Variants in RSPO2 observed in about 807,000 individuals in gnomAD.
RSPO2 encodes the protein R-spondin 2, also known as R-spondin-2.
Under a neutral mutation model 30.9 loss-of-function variants are expected in RSPO2, and 14 were observed. The observed-to-expected ratio is 0.45, with a 90% CI of 0.30 to 0.71. The LOEUF (loss-of-function observed/expected upper bound fraction) is 0.71, where lower values mean the gene tolerates loss of function less well. Ranked by LOEUF, RSPO2 falls within the 30% of genes least tolerant of loss-of-function variation. The pLI, the probability that RSPO2 is intolerant of heterozygous loss-of-function variation, is 0.08. For synonymous variants in RSPO2, 107 were observed against 96.4 expected (o/e 1.11, Z -0.64); for missense variants, 264 against 301.9 (o/e 0.87, Z 0.93).
At chr8:108,019,076 G>A (rs1442493306) in intron 2 of RSPO2, among the ~76,000 whole-genome samples, 11 of 152,082 alleles carry the variant, frequency 7.2e-5, no homozygotes, top group Admixed American at 4.6e-4. Context: ...ACATAGTCTC[G>A]AATATATCCA....
At position 108,057,215 on chromosome 8, in the gene RSPO2, A is replaced by G. The variant is rs973378011; in HGVS notation, c.94+25330T>C. Among the ~76,000 whole-genome samples, 34 of 152,106 alleles carry G rather than the reference A, an allele frequency of 2.2e-4. 1 individual carries two copies. The highest frequency in any genetic ancestry group is 5.9e-5 in the Non-Finnish European group (4 of 67,980). On this transcript the variant is annotated intron_variant, in intron 2 of 5. Coordinates refer to ENST00000276659, the MANE Select transcript of RSPO2 (RefSeq NM_178565.5). ...TAAAATTTGATGTTGAACAATTATGATGCAGACATTCTAAATGTCATCAAA... is the reference window on the plus strand; with the variant it reads ...TAAAATTTGATGTTGAACAATTATGGTGCAGACATTCTAAATGTCATCAAA...
intron 5 of RSPO2, among the ~76,000 whole-genome samples, chr8:107,926,498 T>A (rs13305877): frequency 1.9e-3 from 287 of 151,996 alleles, no homozygotes; most frequent in Middle Eastern, 6.9e-3. Context: ...CAGAATAGTA[T>A]TGCCTAGGTT....
At chr8:107,925,741 T>C (rs948814689) in intron 5 of RSPO2, among the ~76,000 whole-genome samples, 2 of 152,190 alleles carry the variant, frequency 1.3e-5, no homozygotes, top group African/African-American at 4.8e-5. Context: ...AACTCATCCT[T>C]TCTTATGGCT....
chr8:108,059,083 T>C (rs1259746586), intron 2 of RSPO2, among the ~76,000 whole-genome samples: 1 of 151,016 alleles, frequency 6.6e-6, no homozygotes, highest in African/African-American at 2.5e-5. Context: ...TGGGAGAAAA[T>C]TTTTGCAACC....
intron 2 of RSPO2, among the ~76,000 whole-genome samples, chr8:108,031,850 G>T (rs1360320232): frequency 1.6e-5 from 2 of 126,324 alleles, no homozygotes; most frequent in Non-Finnish European, 3.3e-5. Context: ...CAGAAAAGAA[G>T]AGGAAAAAAA....
At chr8:108,073,702 T>C (rs541222203) in intron 2 of RSPO2, among the ~76,000 whole-genome samples, 1 of 151,778 alleles carries the variant, frequency 6.6e-6, no homozygotes, top group African/African-American at 2.4e-5. Flanking sequence ...GTTGTACTTT[T>C]ATAAACTCTT....
intron 3 of RSPO2, among the ~76,000 whole-genome samples, chr8:107,961,539 C>G (rs1813626605): frequency 6.6e-6 from 1 of 152,124 alleles, no homozygotes; most frequent in Admixed American, 6.6e-5. Flanking sequence ...TTCTCTTTCT[C>G]TCTATAACTC....
chr8:107,924,976 T>C (rs971020832), intron 5 of RSPO2, among the ~76,000 whole-genome samples: 1 of 152,068 alleles, frequency 6.6e-6, no homozygotes, highest in African/African-American at 2.4e-5. Flanking sequence ...AATATCAGTA[T>C]ATACAATTAC....
At chr8:107,979,413 C>T (rs1019432893) in intron 3 of RSPO2, among the ~76,000 whole-genome samples, 3 of 152,122 alleles carry the variant, frequency 2.0e-5, no homozygotes, top group African/African-American at 7.2e-5. Context: ...CCATCATTCT[C>T]AGCAAACTAT....
intron 3 of RSPO2, among the ~76,000 whole-genome samples, chr8:107,964,739 T>C (rs1563541989): frequency 6.6e-6 from 1 of 152,150 alleles, no homozygotes; most frequent in Non-Finnish European, 1.5e-5. Context: ...CATAGTCCTA[T>C]ATTTTCTCCC....
rs1050242493 is a variant in RSPO2 at position 108,059,849 on chromosome 8, T to C, written c.94+22696A>G. ...GGGGAACATCACACTCTGGGGACTG[T>C]TGTGGGGTGGGGGGAGGGGGGAGGG... On this transcript the variant is annotated intron_variant, in intron 2 of 5. Transcript: ENST00000276659. 2.9e-5 allele frequency among the ~76,000 whole-genome samples: 3 copies of C among 103,996 alleles called. No individual in the cohort carries two copies. The Admixed American group carries it at 3.6e-4, about 13-fold the overall frequency. 68.2% of individuals were successfully genotyped at this position (103,996 alleles called of 152,430 possible).
At chr8:108,033,344 C>G (rs1811489895) in intron 2 of RSPO2, among the ~76,000 whole-genome samples, 1 of 152,206 alleles carries the variant, frequency 6.6e-6, no homozygotes, top group Non-Finnish European at 1.5e-5. Flanking sequence ...GCCATGACCC[C>G]AGTCCAGCTG....
At chr8:108,061,590 A>C (rs1423269682) in intron 2 of RSPO2, among the ~76,000 whole-genome samples, 2 of 151,810 alleles carry the variant, frequency 1.3e-5, no homozygotes, top group East Asian at 3.9e-4. Context: ...ATAATGGGAG[A>C]CTTTAACACC....
At chr8:108,075,270 C>T (rs188707680) in intron 2 of RSPO2, among the ~76,000 whole-genome samples, 215 of 152,274 alleles carry the variant, frequency 1.4e-3, no homozygotes, top group African/African-American at 5.1e-3. Context: ...CACCTGAGGT[C>T]AGGAGTTCAA....
In RSPO2 at chr8:107,900,168, G is replaced by C. The variant is rs190352029; in HGVS notation, c.*907C>G. The stretch of plus-strand genomic sequence containing the variant: ...TCATCACATCTTAGACTCAAAGGCA[G>C]TTTGGGCTTCTGATTGCCAGATGCC... On this transcript the variant is annotated 3_prime_UTR_variant, in exon 6 of 6. Transcript: ENST00000276659. 4 of 152,316 alleles carry C rather than the reference G, an allele frequency of 2.6e-5. No individual in the cohort carries two copies. In the South Asian group the frequency reaches 6.2e-4, roughly 24 times the overall value. The allele number at this position is 152,316 out of a possible 1,614,324, so 9.4% of individuals were successfully genotyped here. A position where few individuals can be genotyped will look rare whatever the true frequency, so the allele number is the denominator to read the frequency against.
chr8:107,939,101 A>G (rs1812804927), intron 5 of RSPO2, among the ~76,000 whole-genome samples: 1 of 152,158 alleles, frequency 6.6e-6, no homozygotes, highest in Non-Finnish European at 1.5e-5. Flanking sequence ...AAACATGTTT[A>G]TGAGCAAAAA....
At chr8:108,014,193 A>G (rs1810799107) in intron 2 of RSPO2, among the ~76,000 whole-genome samples, 1 of 152,082 alleles carries the variant, frequency 6.6e-6, no homozygotes, top group Non-Finnish European at 1.5e-5. Flanking sequence ...TCAAGAAACA[A>G]CAGATGCTGG....
At chr8:108,064,034 T>C (rs1432881904) in intron 2 of RSPO2, among the ~76,000 whole-genome samples, 3 of 152,142 alleles carry the variant, frequency 2.0e-5, no homozygotes, top group Admixed American at 6.5e-5. Context: ...TAATTCAAGA[T>C]GGATTAAAGA....
At chr8:107,986,797 T>C (rs1393197792) in intron 3 of RSPO2, among the ~76,000 whole-genome samples, 1 of 152,110 alleles carries the variant, frequency 6.6e-6, no homozygotes, top group Non-Finnish European at 1.5e-5. Context: ...ATGAAACACA[T>C]AAAACTGTGG....
Sources: gnomAD v4.1 joint callset for allele counts (sites outside exome capture counted in the v4.1 genomes callset) on GRCh38, gnomAD v4.1.1 for gene constraint, MANE v1.5 for transcripts, NCBI Gene and HGNC (gene_info 2026-07-23, HGNC 2026-07-21) for gene names.